ARID1B: variants seen among roughly 807,000 people sequenced by gnomAD.
The protein encoded by ARID1B is AT-rich interaction domain 1B, also known as AT-rich interactive domain-containing protein 1B.
ARID1B carries 30 observed loss-of-function variants against 212.3 expected under a neutral mutation model. The observed-to-expected ratio is 0.14, with a 90% CI of 0.11 to 0.19. The LOEUF (loss-of-function observed/expected upper bound fraction) is 0.19. Among genes scored for constraint, ARID1B ranks in the 10% least tolerant of loss-of-function variants. ARID1B has a pLI of 1.00. For synonymous variants in ARID1B, 1,402 were observed against 1,301.7 expected (o/e 1.08, Z -1.66); for missense variants, 2,891 against 3,204.0 (o/e 0.90, Z 2.36).
At chr6:156,872,818 G>T (rs902716507) in intron 2 of ARID1B, among the ~76,000 whole-genome samples, 7 of 152,136 alleles carry the variant, frequency 4.6e-5, no homozygotes, top group Non-Finnish European at 8.8e-5. Context: ...TCGTGAGCCT[G>T]CTGGCGTGGT....
At chr6:156,855,328 G>A (rs1784839310) in intron 2 of ARID1B, among the ~76,000 whole-genome samples, 1 of 152,228 alleles carries the variant, frequency 6.6e-6, no homozygotes, top group South Asian at 2.1e-4. Context: ...TTTACACTGA[G>A]AGTAGACTTC....
At chr6:157,011,188 A>T (rs899888247) in intron 4 of ARID1B, among the ~76,000 whole-genome samples, 3 of 152,232 alleles carry the variant, frequency 2.0e-5, no homozygotes, top group Admixed American at 2.0e-4. Flanking sequence ...ATCATGGTCA[A>T]GGATTTCCAT....
intron 5 of ARID1B, among the ~76,000 whole-genome samples, chr6:157,092,304 G>A (rs906592402): frequency 3.9e-5 from 6 of 152,200 alleles, no homozygotes; most frequent in Non-Finnish European, 7.4e-5. Flanking sequence ...TATTGGTAGC[G>A]TGATGTAGAA....
chr6:156,841,482 A>G (rs1340396442), intron 2 of ARID1B, among the ~76,000 whole-genome samples: 1 of 152,192 alleles, frequency 6.6e-6, no homozygotes, highest in Admixed American at 6.5e-5. Flanking sequence ...GTAAACTGTC[A>G]CCATCACAAT....
At chr6:156,918,481 T>C (rs1390274265) in intron 3 of ARID1B, among the ~76,000 whole-genome samples, 1 of 152,218 alleles carries the variant, frequency 6.6e-6, no homozygotes, top group Non-Finnish European at 1.5e-5. Flanking sequence ...TAACACAGTC[T>C]ATTAACTCAG....
At chr6:157,127,796 A>C (rs1248805160) in intron 6 of ARID1B, among the ~76,000 whole-genome samples, 2 of 149,910 alleles carry the variant, frequency 1.3e-5, no homozygotes, top group East Asian at 2.0e-4. Flanking sequence ...AAAAAAAAAA[A>C]AAAAAAAAAA....
At chr6:156,933,523 A>AG (rs1791923811) in intron 3 of ARID1B, among the ~76,000 whole-genome samples, 1 of 152,160 alleles carries the variant, frequency 6.6e-6, no homozygotes, top group East Asian at 1.9e-4. Flanking sequence ...GGTGGTGGGG[A>AG]GAGTGGTCAT....
intron 7 of ARID1B, among the ~76,000 whole-genome samples, chr6:157,145,445 C>T (rs574175265): frequency 6.6e-6 from 1 of 152,264 alleles, no homozygotes; most frequent in African/African-American, 2.4e-5. Flanking sequence ...CGTGCCTGCC[C>T]ACATCTGCAC....
At chr6:156,999,445 A>C (rs191636618) in intron 4 of ARID1B, among the ~76,000 whole-genome samples, 160 of 152,372 alleles carry the variant, frequency 1.1e-3, no homozygotes, top group South Asian at 5.4e-3. Context: ...TGGCACTTAA[A>C]GGCCCAATAA....
At chr6:157,163,046 A>G (rs1201993222) in intron 8 of ARID1B, among the ~76,000 whole-genome samples, 2 of 152,108 alleles carry the variant, frequency 1.3e-5, no homozygotes, top group African/African-American at 4.8e-5. Context: ...CACATTGGAA[A>G]CATTCTGCTC....
chr6:156,938,968 T>G (rs933558302), intron 4 of ARID1B: 5 of 152,246 alleles, frequency 3.3e-5, no homozygotes, highest in African/African-American at 1.2e-4. Context: ...ACTTGTTCTC[T>G]CGTTATCTTG....
intron 6 of ARID1B, among the ~76,000 whole-genome samples, chr6:157,111,460 A>G (rs1786916022): frequency 6.6e-6 from 1 of 152,110 alleles, no homozygotes; most frequent in Non-Finnish European, 1.5e-5. Context: ...CCCACAACAA[A>G]CGAGAGAGAT....
At chr6:156,900,348 G>A (rs560997714) in intron 2 of ARID1B, among the ~76,000 whole-genome samples, 48 of 152,234 alleles carry the variant, frequency 3.2e-4, no homozygotes, top group African/African-American at 1.1e-3. Context: ...GAGGCTAAAT[G>A]TTTTACTCTT....
chr6:157,087,121 A>G (rs1264360519), intron 5 of ARID1B, among the ~76,000 whole-genome samples: 3 of 152,174 alleles, frequency 2.0e-5, no homozygotes, highest in African/African-American at 7.2e-5. Flanking sequence ...TATTCAATGA[A>G]ATTTAGTACC....
intron 2 of ARID1B, among the ~76,000 whole-genome samples, chr6:156,860,927 G>A (rs370026474): frequency 6.6e-6 from 1 of 152,004 alleles, no homozygotes; most frequent in Non-Finnish European, 1.5e-5. Context: ...TTGCTTTTTT[G>A]TGCAACCAAC....
intron 6 of ARID1B, among the ~76,000 whole-genome samples, chr6:157,124,526 A>T (rs1027229872): frequency 1.3e-5 from 2 of 152,234 alleles, no homozygotes; most frequent in African/African-American, 4.8e-5. Context: ...CATCAGCTGT[A>T]TGAAGGCAAG....
chr6:156,778,248 C>G lies in ARID1B; in HGVS notation c.568C>G (p.Gln190Glu). 1 of 1,542,242 alleles carries G rather than the reference C, an allele frequency of 6.5e-7. No homozygotes were observed. The highest frequency in any genetic ancestry group is 8.7e-7 in the Non-Finnish European group (1 of 1,146,590). Residue 190 changes from glutamine to glutamate, a missense_variant, in exon 1 of 20, where the codon CAG becomes GAG. Gln to Glu is a conservative substitution (Grantham distance 29). Transcript: ENST00000636930. ...AHHLHHHHAL[Q>E]QQLNQFQQQQ... ...CCACCTCCACCACCACCACGCACTACAGCAGCAGCTAAACCAGTTCCAGCA... is the reference window on the plus strand; with the variant it reads ...CCACCTCCACCACCACCACGCACTAGAGCAGCAGCTAAACCAGTTCCAGCA...
chr6:157,202,686 C>A lies in ARID1B; in HGVS notation c.5264-1180C>A, dbSNP rs1317055630. Among the ~76,000 whole-genome samples the A allele has an allele frequency of 3.3e-5, 5 of 150,508 alleles. No individual in the cohort carries two copies. The East Asian group carries it at 5.8e-4, about 18-fold the overall frequency. On this transcript the variant is annotated intron_variant, in intron 18 of 19. Transcript: ENST00000636930. ...CACACACATATTCCTTTATATATAT[C>A]TATCCATTTATATATAATGCATGTG...
intron 4 of ARID1B, among the ~76,000 whole-genome samples, chr6:156,964,744 A>G (rs2128331227): frequency 6.6e-6 from 1 of 152,362 alleles, no homozygotes; most frequent in South Asian, 2.1e-4. Context: ...ATATTTTAGC[A>G]TGATTTAACA....
Sources: gnomAD v4.1 joint callset for allele counts (sites outside exome capture counted in the v4.1 genomes callset) on GRCh38, gnomAD v4.1.1 for gene constraint, MANE v1.5 for transcripts, NCBI Gene and HGNC (gene_info 2026-07-23, HGNC 2026-07-21) for gene names.